Variants in TMCC1 observed in about 807,000 individuals in gnomAD.
The protein encoded by TMCC1 is transmembrane and coiled-coil domain family 1.
In TMCC1, 15 loss-of-function variants were observed where a neutral mutation model predicts 52.4. The observed-to-expected ratio is 0.29, with a 90% CI of 0.19 to 0.44. The LOEUF is 0.44. TMCC1 is among the 20% of genes least tolerant of loss of function. The pLI is 1.00. For missense variants in TMCC1, 503 were observed against 806.0 expected, an observed-to-expected ratio of 0.62 and a Z score of 4.55; for synonymous variants, 279 against 301.9, an observed-to-expected ratio of 0.92 and a Z score of 0.79.
At chr3:129,847,293 A>G (rs1239112733) in intron 2 of TMCC1, 1 of 152,242 alleles carries the variant, frequency 6.6e-6, no homozygotes, top group African/African-American at 2.4e-5. Context: ...TGAAGTGATA[A>G]TAATTCAGAG....
At chr3:129,874,466 G>C (rs995855466) in intron 2 of TMCC1, among the ~76,000 whole-genome samples, 3 of 152,198 alleles carry the variant, frequency 2.0e-5, no homozygotes, top group African/African-American at 7.2e-5. Context: ...CCAGCACTTT[G>C]AGAGGCTGAG....
At chr3:129,726,267 T>A (rs1230168204) in intron 4 of TMCC1, among the ~76,000 whole-genome samples, 1 of 152,194 alleles carries the variant, frequency 6.6e-6, no homozygotes, top group African/African-American at 2.4e-5. Context: ...TCTTACTATG[T>A]GCCAGGCACA....
chr3:129,807,576 C>A (rs183531411), intron 4 of TMCC1, among the ~76,000 whole-genome samples: 1 of 152,014 alleles, frequency 6.6e-6, no homozygotes, highest in Non-Finnish European at 1.5e-5. Context: ...TTCAGGACAA[C>A]AGAGACAAAG....
chr3:129,742,334 A>C (rs1224545510), intron 4 of TMCC1, among the ~76,000 whole-genome samples: 1 of 152,188 alleles, frequency 6.6e-6, no homozygotes, highest in African/African-American at 2.4e-5. Flanking sequence ...TCTGATAAGG[A>C]ACTTGTACAC....
intron 4 of TMCC1, among the ~76,000 whole-genome samples, chr3:129,711,765 C>T (rs929393246): frequency 2.2e-5 from 3 of 138,114 alleles, no homozygotes; most frequent in South Asian, 4.6e-4. Context: ...GTGAGGCGGG[C>T]GGATCACGAG....
chr3:129,767,660 C>A (rs1166953204), intron 4 of TMCC1, among the ~76,000 whole-genome samples: 2 of 152,204 alleles, frequency 1.3e-5, no homozygotes, highest in Non-Finnish European at 2.9e-5. Flanking sequence ...TCTTATTCCT[C>A]CATTCCCCTG....
intron 3 of TMCC1, among the ~76,000 whole-genome samples, chr3:129,831,791 G>C (rs1439819045): frequency 1.3e-5 from 2 of 152,142 alleles, no homozygotes; most frequent in Non-Finnish European, 2.9e-5. Context: ...CTTTTCTTCT[G>C]TATGTCTTAC....
intron 2 of TMCC1, chr3:129,860,949 T>C (rs1037522354): frequency 6.6e-6 from 1 of 152,160 alleles, no homozygotes; most frequent in Admixed American, 6.5e-5. Flanking sequence ...CCTAGGAATG[T>C]GTGGACTATT....
intron 4 of TMCC1, among the ~76,000 whole-genome samples, chr3:129,759,710 CTTTTTTTTTTTTTTT>C (rs61519484): frequency 5.4e-5 from 2 of 37,194 alleles, no homozygotes; most frequent in Admixed American, 9.5e-4. Flanking sequence ...GCCAGCCAAA[CTTTTTTTTTTTTTTT>C]TTTTTTTTTT....
At chr3:129,805,623 T>C (rs1428325561) in intron 4 of TMCC1, among the ~76,000 whole-genome samples, 1 of 152,174 alleles carries the variant, frequency 6.6e-6, no homozygotes, top group Non-Finnish European at 1.5e-5. Context: ...CGTTTGTTTC[T>C]AATCATAACA....
Position 129,723,466 on chromosome 3 carries a change from T to A in TMCC1, c.577-52202A>T, listed in dbSNP as rs1251626145. Among the ~76,000 whole-genome samples, 4 of 151,106 alleles carry A rather than the reference T, an allele frequency of 2.6e-5. No individual in the cohort carries two copies. The South Asian group carries it at 8.3e-4, about 31-fold the overall frequency. On this transcript the variant is annotated intron_variant, in intron 4 of 6. Transcript: ENST00000393238. Reference sequence around the variant, plus strand: ...AAATCAAATTCCTATTTGTTATGCATGCCTGGCATCTTCGAATTTAACCCA... The same window carrying A: ...AAATCAAATTCCTATTTGTTATGCAAGCCTGGCATCTTCGAATTTAACCCA...
intron 2 of TMCC1, among the ~76,000 whole-genome samples, chr3:129,833,183 T>C (rs2058999003): frequency 6.6e-6 from 1 of 152,212 alleles, no homozygotes; most frequent in African/African-American, 2.4e-5. Context: ...ACATGAAATA[T>C]AAAACAGGTA....
intron 4 of TMCC1, among the ~76,000 whole-genome samples, chr3:129,756,100 G>GA (rs764626470): frequency 6.2e-3 from 309 of 50,226 alleles, no homozygotes; most frequent in East Asian, 0.024. Context: ...TCCATCTCAA[G>GA]AAAAAAAAAA....
intron 2 of TMCC1, among the ~76,000 whole-genome samples, chr3:129,850,956 G>A (rs1307662535): frequency 3.3e-4 from 51 of 152,306 alleles, no homozygotes; most frequent in East Asian, 3.9e-4. Context: ...TTTCTGCCTT[G>A]GGTGGGCCAG....
intron 4 of TMCC1, among the ~76,000 whole-genome samples, chr3:129,696,052 T>A (rs1345811267): frequency 4.6e-5 from 7 of 152,218 alleles, no homozygotes; most frequent in Admixed American, 4.6e-4. Flanking sequence ...AGGGGTAAAA[T>A]CTGCATCTGT....
At chr3:129,864,499 A>G (rs1158906749) in intron 2 of TMCC1, among the ~76,000 whole-genome samples, 3 of 152,250 alleles carry the variant, frequency 2.0e-5, no homozygotes, top group Admixed American at 6.5e-5. Context: ...TATAAGAATT[A>G]TAACTACTGG....
chr3:129,690,146 A>C (rs902310234), intron 4 of TMCC1, among the ~76,000 whole-genome samples: 2 of 152,242 alleles, frequency 1.3e-5, no homozygotes, highest in African/African-American at 4.8e-5. Context: ...GTTTTAAAAA[A>C]ATATATGTAC....
chr3:129,814,201 C>A (rs2057984383), intron 4 of TMCC1, among the ~76,000 whole-genome samples: 1 of 152,092 alleles, frequency 6.6e-6, no homozygotes, highest in Admixed American at 6.5e-5. Flanking sequence ...CCAGTGTACT[C>A]CTGAACCAGA....
rs548539345 is a variant in TMCC1, at chr3:129,792,561, C to T, written c.576+35242G>A. On this transcript the variant is annotated intron_variant, in intron 4 of 6. Coordinates refer to ENST00000393238, the MANE Select transcript of TMCC1 (RefSeq NM_001017395.5). ...AGATGAGGTTTCACTATGTTGGCCACGCTGATCCATTTGCTGAGTTTGTTT... is the reference window on the plus strand; with the variant it reads ...AGATGAGGTTTCACTATGTTGGCCATGCTGATCCATTTGCTGAGTTTGTTT... Among the ~76,000 whole-genome samples, 6 of 152,166 alleles carry T rather than the reference C, an allele frequency of 3.9e-5. No individual in the cohort carries two copies. In the South Asian group the frequency reaches 8.3e-4, roughly 21 times the overall value.
Sources: allele counts gnomAD v4.1 joint callset (sites outside exome capture counted in the v4.1 genomes callset), GRCh38; gene constraint gnomAD v4.1.1; transcripts MANE v1.5; gene names NCBI Gene and HGNC (gene_info 2026-07-23, HGNC 2026-07-21).